Variants in DPP10 observed in about 807,000 individuals in gnomAD.
DPP10 encodes the protein inactive dipeptidyl peptidase 10.
A neutral mutation model predicts 120.9 loss-of-function variants in DPP10; 33 were observed. The ratio of observed to expected loss-of-function variants is 0.27; its 90% CI spans 0.21 to 0.37. The LOEUF is 0.37. Ranked by LOEUF, DPP10 falls within the 10% of genes least tolerant of loss-of-function variation. The pLI is 1.00. For synonymous variants in DPP10, 337 were observed against 326.1 expected (o/e 1.03, Z -0.36); for missense variants, 816 against 942.8 (o/e 0.87, Z 1.76).
chr2:115,217,950 A>G (rs896996453), intron 1 of DPP10, among the ~76,000 whole-genome samples: 3 of 152,032 alleles, frequency 2.0e-5, no homozygotes, highest in Admixed American at 1.3e-4. Context: ...TGCTTCACCT[A>G]CTTGTCATAT....
chr2:114,956,187 T>TA (rs1183397503), intron 1 of DPP10, among the ~76,000 whole-genome samples: 4 of 151,972 alleles, frequency 2.6e-5, no homozygotes, highest in Non-Finnish European at 4.4e-5. Flanking sequence ...TTCCTATGCA[T>TA]AAAAAACCCT....
At chr2:114,687,431 C>G (rs1699446231) in intron 1 of DPP10, among the ~76,000 whole-genome samples, 1 of 151,950 alleles carries the variant, frequency 6.6e-6, no homozygotes, top group East Asian at 1.9e-4. Flanking sequence ...AATTGGCCAC[C>G]TAATTTGGAT....
At chr2:115,275,701 C>CTTTTT (rs72078308) in intron 1 of DPP10, among the ~76,000 whole-genome samples, 12 of 131,846 alleles carry the variant, frequency 9.1e-5, no homozygotes, top group Non-Finnish European at 1.6e-4. Flanking sequence ...CTTTTCTTTT[C>CTTTTT]TTTTTTTTTT....
At chr2:115,565,542 T>TA (rs200920902) in intron 5 of DPP10, among the ~76,000 whole-genome samples, 3,826 of 151,544 alleles carry the variant, frequency 0.025, 62 homozygotes, top group African/African-American at 0.045. Flanking sequence ...TCCTCAAGGA[T>TA]AAAAAAAAAT....
chr2:115,436,981 A>C (rs1422800278), intron 3 of DPP10, among the ~76,000 whole-genome samples: 1 of 151,964 alleles, frequency 6.6e-6, no homozygotes, highest in African/African-American at 2.4e-5. Flanking sequence ...AGTATAAGAT[A>C]CAATATTTCT....
At chr2:114,460,528 A>G (rs989361229) in intron 1 of DPP10, among the ~76,000 whole-genome samples, 2 of 152,164 alleles carry the variant, frequency 1.3e-5, no homozygotes, top group Non-Finnish European at 2.9e-5. Context: ...GTAAATTCAC[A>G]ATTTAAACAG....
chr2:115,588,527 C>A (rs34695280), intron 5 of DPP10, among the ~76,000 whole-genome samples: 33,679 of 152,074 alleles, frequency 0.22, 4,286 homozygotes, highest in East Asian at 0.39. Context: ...TCTTCCAAAG[C>A]AGGTGAAGCT....
chr2:115,401,807 C>T (rs149724204), intron 3 of DPP10, among the ~76,000 whole-genome samples: 95 of 151,200 alleles, frequency 6.3e-4, no homozygotes, highest in Non-Finnish European at 1.0e-3. Flanking sequence ...ATGTGATATC[C>T]GAAGAAACAT....
chr2:114,677,715 T>C (rs1227009332), intron 1 of DPP10, among the ~76,000 whole-genome samples: 1 of 152,144 alleles, frequency 6.6e-6, no homozygotes, highest in African/African-American at 2.4e-5. Flanking sequence ...TGTTTGTTTC[T>C]CTACACGCTG....
chr2:115,441,251 A>G (rs888702774), intron 3 of DPP10, among the ~76,000 whole-genome samples: 12 of 152,228 alleles, frequency 7.9e-5, no homozygotes, highest in Admixed American at 7.2e-4. Flanking sequence ...TAAAGAGCCA[A>G]AGGTGAGTTG....
chr2:115,377,906 G>A (rs369325090), intron 3 of DPP10, among the ~76,000 whole-genome samples: 116 of 152,080 alleles, frequency 7.6e-4, no homozygotes, highest in Middle Eastern at 3.4e-3. Context: ...TGTTCCATTG[G>A]TCTATATCTC....
chr2:114,950,888 A>G (rs1418116134), intron 1 of DPP10, among the ~76,000 whole-genome samples: 3 of 152,200 alleles, frequency 2.0e-5, no homozygotes, highest in Non-Finnish European at 1.5e-5. Flanking sequence ...TGGACCACTT[A>G]TTTGGTAGGT....
intron 1 of DPP10, among the ~76,000 whole-genome samples, chr2:114,470,215 A>G (rs906679821): frequency 2.6e-5 from 4 of 152,094 alleles, no homozygotes; most frequent in Non-Finnish European, 4.4e-5. Context: ...AGTGTTGTTG[A>G]TTTATTTCTG....
At chr2:115,167,614 A>G (rs1313480415) in intron 1 of DPP10, among the ~76,000 whole-genome samples, 1 of 151,726 alleles carries the variant, frequency 6.6e-6, no homozygotes. Context: ...CAAAAAAAAA[A>G]AAAAAAAAAA....
chr2:114,527,698 G>A (rs1198174161), intron 1 of DPP10, among the ~76,000 whole-genome samples: 3 of 152,000 alleles, frequency 2.0e-5, no homozygotes, highest in Non-Finnish European at 2.9e-5. Context: ...GTGTTGTTAG[G>A]CGATTTTGTC....
chr2:115,656,081 T>C (rs1210808088), intron 5 of DPP10, among the ~76,000 whole-genome samples: 1 of 151,294 alleles, frequency 6.6e-6, no homozygotes, highest in Non-Finnish European at 1.5e-5. Flanking sequence ...AAGACAGTAT[T>C]GTGCACTTTA....
At chr2:114,895,211 GA>G (rs1692865159) in intron 1 of DPP10, among the ~76,000 whole-genome samples, 1 of 151,748 alleles carries the variant, frequency 6.6e-6, no homozygotes, top group Non-Finnish European at 1.5e-5. Flanking sequence ...CATTTTGCTT[GA>G]AAAATAAAAC....
At chr2:115,114,685 G>T (rs900470331) in intron 1 of DPP10, among the ~76,000 whole-genome samples, 3 of 151,992 alleles carry the variant, frequency 2.0e-5, no homozygotes, top group Non-Finnish European at 4.4e-5. Context: ...GTATTTTTTG[G>T]TACTGATAAC....
intron 1 of DPP10, among the ~76,000 whole-genome samples, chr2:114,810,996 T>C (rs574070697): frequency 1.3e-5 from 2 of 152,306 alleles, no homozygotes; most frequent in African/African-American, 2.4e-5. Context: ...TGTCACCACC[T>C]GTTATATCTT....
Sources: allele counts gnomAD v4.1 joint callset (sites outside exome capture counted in the v4.1 genomes callset), GRCh38; gene constraint gnomAD v4.1.1; transcripts MANE v1.5; gene names NCBI Gene and HGNC (gene_info 2026-07-23, HGNC 2026-07-21).